Variants in UNC79 observed in about 807,000 individuals in gnomAD.
The protein encoded by UNC79 is unc-79 subunit of NALCN channel complex.
UNC79 carries 37 observed loss-of-function variants against 283.1 expected under a neutral mutation model. The ratio of observed to expected loss-of-function variants is 0.13; its 90% CI spans 0.10 to 0.17. UNC79 has a LOEUF of 0.17. Ranked by LOEUF, UNC79 falls within the 10% of genes least tolerant of loss-of-function variation. The pLI, the probability that UNC79 is intolerant of heterozygous loss-of-function variation, is 1.00. For missense variants in UNC79, 2,272 were observed against 3,211.1 expected, an observed-to-expected ratio of 0.71 and a Z score of 7.07; for synonymous variants, 1,107 against 1,200.2, an observed-to-expected ratio of 0.92 and a Z score of 1.61.
chr14:93,496,505 T>A (rs1188148132), intron 6 of UNC79, 39 bp downstream of exon 6: 1 of 1,388,090 alleles, frequency 7.2e-7, no homozygotes, highest in South Asian at 1.5e-5. Flanking sequence ...GTCACAAACT[T>A]AATTTGTATA....
rs751505802 is a variant in UNC79 at position 93,622,356 on chromosome 14, G to A, written c.5123G>A (p.Gly1708Glu). The A allele has an allele frequency of 1.9e-6, 3 of 1,614,116 alleles. No homozygotes were observed. The Admixed American group carries it at 5.0e-5, about 27-fold the overall frequency. Residue 1708 changes from glycine to glutamate, a missense_variant, in exon 30 of 49, where the codon GGG becomes GAG. By Grantham distance (98) the Gly-to-Glu change is moderately conservative. Coordinates refer to ENST00000555664, the Ensembl canonical transcript of UNC79. ...GACTCAGGAAATAATCAGTCAGCAG[G>A]GAACACTGACTCTGCCCTCATCACT...
At chr14:93,484,696 G>A (rs2058323824) in intron 4 of UNC79, among the ~76,000 whole-genome samples, 1 of 152,066 alleles carries the variant, frequency 6.6e-6, no homozygotes, top group African/African-American at 2.4e-5. Context: ...CACCCTCATG[G>A]GGACAAGCTG....
chr14:93,625,811 G>A (rs74073843), intron 30 of UNC79, among the ~76,000 whole-genome samples: 7,677 of 152,228 alleles, frequency 0.05, 326 homozygotes, highest in African/African-American at 0.11. Context: ...GTTAAATCCA[G>A]CTTTCCCTCT....
intron 14 of UNC79, among the ~76,000 whole-genome samples, chr14:93,544,047 A>G (rs2141221581): frequency 6.6e-6 from 1 of 152,272 alleles, no homozygotes; most frequent in African/African-American, 2.4e-5. Flanking sequence ...GCCTGTGTTG[A>G]TATATTTTCT....
intron 27 of UNC79, among the ~76,000 whole-genome samples, chr14:93,613,595 T>C (rs1452735148): frequency 6.6e-6 from 1 of 152,002 alleles, no homozygotes; most frequent in African/African-American, 2.4e-5. Context: ...TTTATATTTT[T>C]AGTAGAGATG....
exon 26 of UNC79, chr14:93,603,386 T>A (rs561349938): frequency 2.5e-6 from 4 of 1,613,976 alleles, no homozygotes; most frequent in Non-Finnish European, 3.4e-6. Flanking sequence ...AAGAGGGCGC[T>A]CTCCCTCCCT....
At chr14:93,358,323 T>A (rs1380816133) in intron 1 of UNC79, among the ~76,000 whole-genome samples, 1 of 152,118 alleles carries the variant, frequency 6.6e-6, no homozygotes, top group African/African-American at 2.4e-5. Context: ...GGTTGGTTGC[T>A]CCTAAGTTCA....
chr14:93,630,824 A>G (rs2067971875), exon 31 of UNC79: 3 of 1,614,086 alleles, frequency 1.9e-6, no homozygotes, highest in Non-Finnish European at 2.5e-6. Flanking sequence ...AGGACTTTCA[A>G]CTTTGGAAAT....
chr14:93,602,506 C>T (rs2065584397), intron 25 of UNC79, among the ~76,000 whole-genome samples: 1 of 152,156 alleles, frequency 6.6e-6, no homozygotes, highest in East Asian at 1.9e-4. Context: ...TAACTATAGC[C>T]TTGTAGTATA....
chr14:93,503,967 A>G (rs11851666), intron 7 of UNC79, among the ~76,000 whole-genome samples: 12,438 of 151,826 alleles, frequency 0.082, 583 homozygotes, highest in Middle Eastern at 0.18. Context: ...GTAACGGCCA[A>G]TCTCTTCTCT....
chr14:93,702,353 C>T (rs1429352281), intron 47 of UNC79, among the ~76,000 whole-genome samples: 1 of 152,218 alleles, frequency 6.6e-6, no homozygotes, highest in African/African-American at 2.4e-5. Flanking sequence ...ACACACCATA[C>T]TCCATTTATA....
At position 93,430,617 on chromosome 14, in the gene UNC79, AG is replaced by A; in HGVS notation, c.-411del. ...TGGTCGGGGACTCCGGCGCTTTAAG[AG>A]GCTTTTCTCTGGGAAACACCCGTCC... On this transcript the variant is annotated 5_prime_UTR_variant, in exon 1 of 49. Transcript: ENST00000555664. This position sits in a 1 kb window ranked among gnomAD's most constrained non-coding sequence, Gnocchi z 4.6. The A allele has an allele frequency of 6.2e-6, 1 of 161,756 alleles. No homozygotes were observed. Among genetic ancestry groups the A allele is most frequent in the South Asian group, 1.7e-4 (1 of 6,020 alleles). The allele number at this position is 161,756 out of a possible 1,614,324, so 10.0% of individuals were successfully genotyped here. A position where few individuals can be genotyped will look rare whatever the true frequency, so the allele number is the denominator to read the frequency against.
chr14:93,446,300 C>G (rs2140150623), intron 1 of UNC79, among the ~76,000 whole-genome samples: 1 of 152,186 alleles, frequency 6.6e-6, no homozygotes, highest in East Asian at 1.9e-4. Context: ...GCGCATTCCA[C>G]CAGTTTTGTA....
At chr14:93,520,617 A>G (rs898692356) in intron 7 of UNC79, among the ~76,000 whole-genome samples, 1 of 151,520 alleles carries the variant, frequency 6.6e-6, no homozygotes, top group Admixed American at 6.6e-5. Flanking sequence ...CTGTATCTCT[A>G]TTTTTCTTCC....
At chr14:93,549,341 A>G (rs1323583372) in intron 14 of UNC79, among the ~76,000 whole-genome samples, 2 of 152,224 alleles carry the variant, frequency 1.3e-5, no homozygotes, top group African/African-American at 4.8e-5. Flanking sequence ...AAACATTGGT[A>G]AATATATTAG....
chr14:93,605,682 T>C (rs2065834979), intron 26 of UNC79, among the ~76,000 whole-genome samples: 1 of 152,206 alleles, frequency 6.6e-6, no homozygotes, highest in Admixed American at 6.5e-5. Context: ...CATCTAAGAC[T>C]ACTAGTTTTA....
At chr14:93,595,603 C>T (rs566477825) in intron 23 of UNC79, among the ~76,000 whole-genome samples, 1 of 152,234 alleles carries the variant, frequency 6.6e-6, no homozygotes, top group Admixed American at 6.5e-5. Context: ...GGGCTCTCCA[C>T]CTTTCATCCT....
intron 40 of UNC79, among the ~76,000 whole-genome samples, chr14:93,671,971 A>G (rs148496479): frequency 1.3e-5 from 2 of 152,334 alleles, no homozygotes; most frequent in East Asian, 1.9e-4. Flanking sequence ...ATGCAAATCA[A>G]AACCACAATG....
intron 1 of UNC79, among the ~76,000 whole-genome samples, chr14:93,419,357 C>T (rs537268696): frequency 1.5e-4 from 23 of 151,308 alleles, no homozygotes; most frequent in East Asian, 5.9e-4. Flanking sequence ...TTAGTAGAGT[C>T]GGGGTTTCAC....
Sources: gnomAD v4.1 joint callset for allele counts (sites outside exome capture counted in the v4.1 genomes callset) on GRCh38, gnomAD v4.1.1 for gene constraint, Gnocchi (gnomAD v3.1) non-coding constraint, MANE v1.5 for transcripts, NCBI Gene and HGNC (gene_info 2026-07-23, HGNC 2026-07-21) for gene names.